Variants in ASTN2 observed in about 807,000 individuals in gnomAD.
The protein encoded by ASTN2 is astrotactin-2.
In ASTN2, 54 loss-of-function variants were observed where a neutral mutation model predicts 139.8. That is an observed-to-expected ratio of 0.39 (90% CI 0.31 to 0.48). The LOEUF (loss-of-function observed/expected upper bound fraction) is 0.48, where lower values mean the gene tolerates loss of function less well. Ranked by LOEUF, ASTN2 falls within the 20% of genes least tolerant of loss-of-function variation. The pLI is 0.95. For missense variants in ASTN2, 1,565 were observed against 1,725.1 expected, an observed-to-expected ratio of 0.91 and a Z score of 1.64; for synonymous variants, 756 against 719.5, an observed-to-expected ratio of 1.05 and a Z score of -0.81.
intron 3 of ASTN2, among the ~76,000 whole-genome samples, chr9:117,191,344 C>T (rs1831343642): frequency 6.6e-6 from 1 of 150,444 alleles, no homozygotes; most frequent in South Asian, 2.1e-4. Context: ...AATAAAAATG[C>T]AAGATAGAAA....
intron 2 of ASTN2, among the ~76,000 whole-genome samples, chr9:117,255,270 T>A (rs763048841): frequency 1.3e-5 from 2 of 152,334 alleles, no homozygotes; most frequent in South Asian, 4.1e-4. Context: ...GGATGCCTAC[T>A]GTATGTCAGG....
At chr9:116,467,820 GA>G (rs1479973440) in intron 20 of ASTN2, among the ~76,000 whole-genome samples, 1 of 152,210 alleles carries the variant, frequency 6.6e-6, no homozygotes, top group Admixed American at 6.5e-5. Flanking sequence ...AAATATTCAA[GA>G]AATGGTAGGG....
intron 11 of ASTN2, among the ~76,000 whole-genome samples, chr9:116,862,841 CAT>C (rs759351496): frequency 0.27 from 6,654 of 24,370 alleles, 372 homozygotes; most frequent in African/African-American, 0.4. Context: ...CACACACACA[CAT>C]ACACGTTAAA....
intron 3 of ASTN2, chr9:117,197,254 CGGTTGAAG>C (rs2132981609): frequency 6.6e-6 from 1 of 152,384 alleles, no homozygotes; most frequent in South Asian, 2.1e-4. Flanking sequence ...GCTGCGTGCT[CGGTTGAAG>C]AGGATAACCA....
At chr9:117,086,626 T>G (rs1828569356) in intron 5 of ASTN2, among the ~76,000 whole-genome samples, 1 of 152,004 alleles carries the variant, frequency 6.6e-6, no homozygotes. Context: ...TTCCAGTGAT[T>G]TCATGACATC....
chr9:117,397,372 C>A (rs1291514295), intron 1 of ASTN2, among the ~76,000 whole-genome samples: 2 of 151,924 alleles, frequency 1.3e-5, no homozygotes, highest in Non-Finnish European at 2.9e-5. Flanking sequence ...TTAAAAAAAA[C>A]AAAGAAAGTC....
intron 13 of ASTN2, among the ~76,000 whole-genome samples, chr9:116,791,017 AAGAAAGAAAG>A (rs1830534804): frequency 1.6e-5 from 2 of 128,714 alleles, no homozygotes; most frequent in Admixed American, 1.6e-4. Context: ...GAAAGAAAGA[AAGAAAGAAAG>A]AAAGAAAGAA....
At chr9:117,058,484 T>C (rs141983888) in intron 5 of ASTN2, among the ~76,000 whole-genome samples, 1 of 152,242 alleles carries the variant, frequency 6.6e-6, no homozygotes. Flanking sequence ...ATAGTTACTA[T>C]GCCCATTTTA....
intron 17 of ASTN2, among the ~76,000 whole-genome samples, chr9:116,629,801 C>T (rs1212337682): frequency 6.6e-6 from 1 of 152,022 alleles, no homozygotes; most frequent in Non-Finnish European, 1.5e-5. Flanking sequence ...TTAGAACCAG[C>T]CAAACCCCCC....
rs141793012 is a variant in ASTN2 at position 117,185,991 on chromosome 9, G to T, written c.1015+28367C>A. Among the ~76,000 whole-genome samples, 28 of 152,192 alleles carry T rather than the reference G, an allele frequency of 1.8e-4. 1 individual carries two copies. The highest frequency in any genetic ancestry group is 6.7e-4 in the African/African-American group (28 of 41,542). On this transcript the variant is annotated intron_variant, in intron 3 of 22. Transcript: ENST00000313400. ...GAACAGAAAGGTAAAGGAAGTACGG[G>T]AAGCAGAGTTATTGGTGAAAAGAGA...
At chr9:116,934,922 A>T (rs965487765) in intron 10 of ASTN2, among the ~76,000 whole-genome samples, 1 of 152,176 alleles carries the variant, frequency 6.6e-6, no homozygotes, top group Non-Finnish European at 1.5e-5. Flanking sequence ...GCCTAGAGTC[A>T]GGTTGTTACG....
At chr9:116,499,364 G>T (rs1167583809) in intron 19 of ASTN2, among the ~76,000 whole-genome samples, 1 of 152,118 alleles carries the variant, frequency 6.6e-6, no homozygotes, top group Non-Finnish European at 1.5e-5. Context: ...ACTCAGTCAA[G>T]GTTTTGTAAA....
intron 1 of ASTN2, among the ~76,000 whole-genome samples, chr9:117,382,637 C>T (rs1195670512): frequency 1.3e-5 from 2 of 152,160 alleles, no homozygotes; most frequent in Non-Finnish European, 2.9e-5. Flanking sequence ...ACACACCCAA[C>T]TCGAATCTAT....
chr9:117,170,606 T>C (rs138407928), intron 3 of ASTN2, among the ~76,000 whole-genome samples: 1 of 152,214 alleles, frequency 6.6e-6, no homozygotes, highest in East Asian at 1.9e-4. Context: ...GTGAGTGCTA[T>C]TTAAAATGAG....
chr9:117,053,769 C>T (rs1838979639), intron 5 of ASTN2, among the ~76,000 whole-genome samples: 2 of 152,168 alleles, frequency 1.3e-5, no homozygotes, highest in African/African-American at 4.8e-5. Flanking sequence ...GCCTTGCAGG[C>T]CAAAGAAGAC....
intron 1 of ASTN2, among the ~76,000 whole-genome samples, chr9:117,368,922 AGAATAGTTCTGCTT>A (rs1337329042): frequency 1.3e-5 from 2 of 152,216 alleles, no homozygotes; most frequent in African/African-American, 4.8e-5. Flanking sequence ...GTGTTGGCAC[AGAATAGTTCTGCTT>A]GAACTTAGGT....
chr9:117,029,254 C>T (rs1838181086), intron 6 of ASTN2, among the ~76,000 whole-genome samples: 1 of 152,144 alleles, frequency 6.6e-6, no homozygotes, highest in African/African-American at 2.4e-5. Flanking sequence ...TGGCACTTAG[C>T]AACTCTTCCG....
chr9:117,268,357 A>T (rs918603685), intron 2 of ASTN2, among the ~76,000 whole-genome samples: 1 of 152,230 alleles, frequency 6.6e-6, no homozygotes, highest in African/African-American at 2.4e-5. Flanking sequence ...ACTTACCAGC[A>T]TCATCTTCTG....
chr9:116,554,258 T>C (rs1852490265), intron 19 of ASTN2, among the ~76,000 whole-genome samples: 1 of 151,796 alleles, frequency 6.6e-6, no homozygotes, highest in Non-Finnish European at 1.5e-5. Context: ...CTCAAGAAAA[T>C]CCTTACCTAT....
Sources: allele counts gnomAD v4.1 joint callset (sites outside exome capture counted in the v4.1 genomes callset), GRCh38; gene constraint gnomAD v4.1.1; transcripts MANE v1.5; gene names NCBI Gene and HGNC (gene_info 2026-07-23, HGNC 2026-07-21).